CLIC4: variants seen among roughly 807,000 people sequenced by gnomAD.
The protein encoded by CLIC4 is chloride intracellular channel protein 4.
CLIC4 carries 13 observed loss-of-function variants against 24.6 expected under a neutral mutation model. The observed-to-expected ratio is 0.53, with a 90% CI of 0.34 to 0.84. CLIC4 has a LOEUF of 0.84. CLIC4 is among the 40% of genes least tolerant of loss of function. CLIC4 has a pLI of 0.01. For synonymous variants in CLIC4, 104 were observed against 111.3 expected (o/e 0.93, Z 0.41); for missense variants, 227 against 301.7 (o/e 0.75, Z 1.83).
At chr1:24,753,080 C>G (rs1183882888) in intron 1 of CLIC4, among the ~76,000 whole-genome samples, 3 of 152,074 alleles carry the variant, frequency 2.0e-5, no homozygotes, top group African/African-American at 7.2e-5. Flanking sequence ...TTCTGTAAAT[C>G]CTTGAAATTA....
chr1:24,808,524 C>T (rs974185721), intron 2 of CLIC4, among the ~76,000 whole-genome samples: 3 of 151,400 alleles, frequency 2.0e-5, no homozygotes, highest in Non-Finnish European at 4.4e-5. Flanking sequence ...GCCCTGCCGC[C>T]CTTTTTTTTG....
chr1:24,783,771 C>G (rs1639233779), intron 1 of CLIC4, among the ~76,000 whole-genome samples: 1 of 152,208 alleles, frequency 6.6e-6, no homozygotes, highest in Admixed American at 6.5e-5. Flanking sequence ...AGCACTTGAT[C>G]TGTAAAGGAC....
intron 2 of CLIC4, among the ~76,000 whole-genome samples, chr1:24,809,087 A>G (rs1639586797): frequency 6.6e-6 from 1 of 152,320 alleles, no homozygotes; most frequent in African/African-American, 2.4e-5. Flanking sequence ...TTGTCAGACT[A>G]AAGAATGTTC....
rs1403687083 is a variant in CLIC4 at position 24,844,174 on chromosome 1, T to C, written c.*3237T>C. ...TGAACAGGCAAATGAAAGCTTATTA[T>C]AGAATGCATGTATTTTCTTTTATCT... On this transcript the variant is annotated 3_prime_UTR_variant, in exon 6 of 6. Transcript: ENST00000374379. The C allele has an allele frequency of 1.3e-5, 2 of 152,660 alleles. No individual in the cohort carries two copies. Among genetic ancestry groups the C allele is most frequent in the Non-Finnish European group, 2.9e-5 (2 of 68,020 alleles). The allele number at this position is 152,660 out of a possible 1,614,324, so 9.5% of individuals were successfully genotyped here.
chr1:24,772,073 A>G (rs911210189), intron 1 of CLIC4, among the ~76,000 whole-genome samples: 1 of 152,252 alleles, frequency 6.6e-6, no homozygotes, highest in African/African-American at 2.4e-5. Flanking sequence ...AATAGAGCCA[A>G]TACAAATTCT....
chr1:24,837,640 TA>T (rs1639898910), intron 4 of CLIC4, among the ~76,000 whole-genome samples: 1 of 152,174 alleles, frequency 6.6e-6, no homozygotes, highest in Non-Finnish European at 1.5e-5. Context: ...AAGTCTGAAA[TA>T]AAATATACCA....
At chr1:24,778,724 C>T (rs1424611336) in intron 1 of CLIC4, among the ~76,000 whole-genome samples, 1 of 152,186 alleles carries the variant, frequency 6.6e-6, no homozygotes, top group Non-Finnish European at 1.5e-5. Flanking sequence ...TCCTTTTAGG[C>T]TTTTGATAAG....
Position 24,765,162 on chromosome 1 carries a change from T to C in CLIC4, c.72+19537T>C, listed in dbSNP as rs114505492. On this transcript the variant is annotated intron_variant, in intron 1 of 5. Transcript: ENST00000374379. ...CATTGACTGTTTTCTGTTGGATTTCTTAAATGCATGAGATAGAAGAAGTAT... is the reference window on the plus strand; with the variant it reads ...CATTGACTGTTTTCTGTTGGATTTCCTAAATGCATGAGATAGAAGAAGTAT... 5.7e-3 allele frequency among the ~76,000 whole-genome samples: 862 copies of C among 152,338 alleles called. 10 individuals are homozygous for C. The highest frequency in any genetic ancestry group is 0.02 in the African/African-American group (832 of 41,580).
At chr1:24,763,369 G>A (rs974165018) in intron 1 of CLIC4, among the ~76,000 whole-genome samples, 6 of 151,744 alleles carry the variant, frequency 4.0e-5, no homozygotes, top group East Asian at 1.9e-4. Flanking sequence ...GAGAAACCCC[G>A]TCTCTACTAA....
intron 3 of CLIC4, among the ~76,000 whole-genome samples, chr1:24,816,356 C>T (rs1250313285): frequency 6.8e-6 from 1 of 146,190 alleles, no homozygotes; most frequent in Non-Finnish European, 1.5e-5. Flanking sequence ...TCTCCTGCTT[C>T]AGCCTCCTGA....
chr1:24,795,362 A>G (rs1296237325), intron 1 of CLIC4, among the ~76,000 whole-genome samples: 1 of 152,120 alleles, frequency 6.6e-6, no homozygotes, highest in Admixed American at 6.6e-5. Flanking sequence ...AGGAATGTGT[A>G]CAACAGGATA....
At chr1:24,801,825 A>G (rs1286130402) in intron 2 of CLIC4, among the ~76,000 whole-genome samples, 1 of 152,182 alleles carries the variant, frequency 6.6e-6, no homozygotes, top group Non-Finnish European at 1.5e-5. Flanking sequence ...TCATCAAGGA[A>G]CCCCTTTAGT....
chr1:24,820,060 A>AG (rs1193377955), intron 3 of CLIC4, among the ~76,000 whole-genome samples: 1 of 39,430 alleles, frequency 2.5e-5, no homozygotes, highest in Non-Finnish European at 6.2e-5. Context: ...AAAAAAAAAA[A>AG]AAGTATGTAT....
At chr1:24,817,716 T>C (rs775376378) in intron 3 of CLIC4, among the ~76,000 whole-genome samples, 4 of 152,248 alleles carry the variant, frequency 2.6e-5, no homozygotes, top group Admixed American at 6.5e-5. Flanking sequence ...TCTCAGCTTT[T>C]GGCCTGTCTC....
chr1:24,780,753 A>C (rs754828731), intron 1 of CLIC4, among the ~76,000 whole-genome samples: 4 of 152,206 alleles, frequency 2.6e-5, no homozygotes, highest in Non-Finnish European at 5.9e-5. Context: ...AGATCGTCTA[A>C]TAAGTTGTGA....
chr1:24,755,591 C>T (rs1400961612), intron 1 of CLIC4, among the ~76,000 whole-genome samples: 1 of 150,046 alleles, frequency 6.7e-6, no homozygotes, highest in Admixed American at 6.7e-5. Flanking sequence ...CCTGGGTGAC[C>T]GACGGAGATC....
intron 2 of CLIC4, among the ~76,000 whole-genome samples, chr1:24,799,720 G>T (rs552785787): frequency 7.2e-6 from 1 of 138,094 alleles, no homozygotes; most frequent in African/African-American, 2.7e-5. Flanking sequence ...CCCCCCGCCC[G>T]GCCAGCCGCC....
chr1:24,745,489 C>T lies in CLIC4; in HGVS notation c.-65C>T. 1 of 1,462,492 alleles carries T rather than the reference C, an allele frequency of 6.8e-7. No individual in the cohort carries two copies. Among genetic ancestry groups the T allele is most frequent in the Non-Finnish European group, 9.3e-7 (1 of 1,078,190 alleles). 90.6% of individuals were successfully genotyped at this position (1,462,492 alleles called of 1,614,324 possible). On this transcript the variant is annotated 5_prime_UTR_variant, in exon 1 of 6. Transcript: ENST00000374379. Reference sequence around the variant, plus strand: ...GGCGGGAACCGGCAGCCGGAGCAGTCCCGGAGCAGAAGCAGCAGCAGCAGC... The same window carrying T: ...GGCGGGAACCGGCAGCCGGAGCAGTTCCGGAGCAGAAGCAGCAGCAGCAGC...
intron 1 of CLIC4, among the ~76,000 whole-genome samples, chr1:24,763,880 C>T (rs1365443137): frequency 6.6e-6 from 1 of 152,086 alleles, no homozygotes; most frequent in African/African-American, 2.4e-5. Context: ...TATGTCTTAT[C>T]TTTGCTATAA....
Sources: gnomAD v4.1 joint callset for allele counts (sites outside exome capture counted in the v4.1 genomes callset) on GRCh38, gnomAD v4.1.1 for gene constraint, MANE v1.5 for transcripts, NCBI Gene and HGNC (gene_info 2026-07-23, HGNC 2026-07-21) for gene names.